PCDHA12: variants seen among roughly 807,000 people sequenced by gnomAD.
PCDHA12 encodes the protein protocadherin alpha-12.
PCDHA12 carries 44 observed loss-of-function variants against 60.0 expected under a neutral mutation model. That is an observed-to-expected ratio of 0.73 (90% CI 0.58 to 0.94). The LOEUF (loss-of-function observed/expected upper bound fraction) is 0.94, where lower values mean the gene tolerates loss of function less well. PCDHA12 is among the 40% of genes least tolerant of loss of function. PCDHA12 has a pLI of 0.00. For missense variants in PCDHA12, 1,276 were observed against 1,239.7 expected, an observed-to-expected ratio of 1.03 and a Z score of -0.44; for synonymous variants, 569 against 553.0, an observed-to-expected ratio of 1.03 and a Z score of -0.40.
chr5:140,967,324 G>A, intron 1 of PCDHA12: 4 of 1,609,186 alleles, frequency 2.5e-6, no homozygotes, highest in Non-Finnish European at 3.4e-6. Context: ...AGACCTACGA[G>A]CTCAGCCCCA....
chr5:140,958,015 C>A (rs573406509), intron 1 of PCDHA12, among the ~76,000 whole-genome samples: 1 of 151,796 alleles, frequency 6.6e-6, no homozygotes, highest in Non-Finnish European at 1.5e-5. Context: ...TTCTATCAGC[C>A]AAGTATACTA....
intron 1 of PCDHA12, chr5:140,968,908 A>G: frequency 6.2e-7 from 1 of 1,614,182 alleles, no homozygotes; most frequent in Non-Finnish European, 8.5e-7. Context: ...CATTAAGCAC[A>G]GTGTCTTTTA....
chr5:140,985,532 G>A (rs1358120172), intron 3 of PCDHA12, among the ~76,000 whole-genome samples: 2 of 152,190 alleles, frequency 1.3e-5, no homozygotes, highest in African/African-American at 4.8e-5. Context: ...AAAGCTTCAC[G>A]GTGAAGATGC....
chr5:140,888,941 TAA>T (rs1361014830), intron 1 of PCDHA12, among the ~76,000 whole-genome samples: 2 of 152,086 alleles, frequency 1.3e-5, no homozygotes, highest in Non-Finnish European at 1.5e-5. Flanking sequence ...GAGGGAGGTA[TAA>T]ATTTTTTCTT....
At chr5:140,967,884 C>T (rs2096194386) in intron 1 of PCDHA12, 2 of 1,614,050 alleles carry the variant, frequency 1.2e-6, no homozygotes, top group African/African-American at 1.3e-5. Context: ...CTGTATAGCC[C>T]AGTGCCTGAG....
At chr5:140,947,234 AAAAAT>A (rs1164220377) in intron 1 of PCDHA12, among the ~76,000 whole-genome samples, 3 of 151,602 alleles carry the variant, frequency 2.0e-5, no homozygotes, top group Non-Finnish European at 3.0e-5. Flanking sequence ...GACAGGAAAA[AAAAAT>A]AAGATAATCC....
intron 1 of PCDHA12, among the ~76,000 whole-genome samples, chr5:140,937,108 G>A (rs1014984809): frequency 7.3e-5 from 11 of 151,276 alleles, no homozygotes; most frequent in Non-Finnish European, 1.5e-4. Context: ...CGCAGTCTCG[G>A]CTCACTGCAA....
At chr5:140,979,179 G>T in intron 2 of PCDHA12, 172 bp downstream of exon 2, 1 of 936,772 alleles carries the variant, frequency 1.1e-6, no homozygotes, top group Middle Eastern at 5.5e-4. Flanking sequence ...ATCGCAAATG[G>T]TCAGTGCCAG....
intron 1 of PCDHA12, among the ~76,000 whole-genome samples, chr5:140,956,602 G>T (rs541025327): frequency 2.6e-5 from 4 of 152,212 alleles, no homozygotes. Flanking sequence ...GATATCAGCT[G>T]GAAGTTTTCC....
intron 1 of PCDHA12, among the ~76,000 whole-genome samples, chr5:140,974,181 A>G (rs1361812242): frequency 3.9e-5 from 6 of 152,226 alleles, no homozygotes; most frequent in Non-Finnish European, 8.8e-5. Context: ...TAACTTGACA[A>G]ATGCAAAGGA....
chr5:140,943,729 A>G (rs1215938127), intron 1 of PCDHA12, among the ~76,000 whole-genome samples: 1 of 152,374 alleles, frequency 6.6e-6, no homozygotes, highest in South Asian at 2.1e-4. Context: ...TGAGAGAATG[A>G]AAGTCCACAG....
At chr5:140,969,294 T>C in intron 1 of PCDHA12, 2 of 1,614,212 alleles carry the variant, frequency 1.2e-6, no homozygotes, top group Non-Finnish European at 1.7e-6. Context: ...GCTGGGAACC[T>C]GATTATTCTC....
chr5:140,890,726 T>C (rs2062772984), intron 1 of PCDHA12, among the ~76,000 whole-genome samples: 1 of 152,214 alleles, frequency 6.6e-6, no homozygotes. Context: ...TTTAATCCCT[T>C]TTGACTTATA....
intron 1 of PCDHA12, chr5:140,927,266 C>T (rs1554204259): frequency 6.2e-7 from 1 of 1,614,146 alleles, no homozygotes. Flanking sequence ...CCTCTCTTTC[C>T]TGCCGGCGAC....
At chr5:140,927,764 G>T (rs2084612834) in intron 1 of PCDHA12, 1 of 1,614,092 alleles carries the variant, frequency 6.2e-7, no homozygotes. Flanking sequence ...CCTAAAAGTG[G>T]GGAGGTGCAA....
intron 1 of PCDHA12, among the ~76,000 whole-genome samples, chr5:140,903,156 T>G (rs1287323901): frequency 6.6e-6 from 1 of 152,232 alleles, no homozygotes; most frequent in Non-Finnish European, 1.5e-5. Flanking sequence ...CCATAGTGGT[T>G]GTGCTGGTTT....
chr5:141,004,528 C>T (rs2098169666), intron 3 of PCDHA12, among the ~76,000 whole-genome samples: 1 of 152,230 alleles, frequency 6.6e-6, no homozygotes, highest in Non-Finnish European at 1.5e-5. Flanking sequence ...CCAATACACA[C>T]AGCCATTAAT....
At chr5:140,935,894 CTT>C (rs55841305) in intron 1 of PCDHA12, among the ~76,000 whole-genome samples, 8 of 136,706 alleles carry the variant, frequency 5.9e-5, no homozygotes, top group Non-Finnish European at 3.1e-5. Context: ...TCAATATTAT[CTT>C]TTTTTTTTTT....
intron 3 of PCDHA12, among the ~76,000 whole-genome samples, chr5:141,000,226 G>A (rs2097897321): frequency 6.6e-6 from 1 of 151,546 alleles, no homozygotes; most frequent in Non-Finnish European, 1.5e-5. Context: ...TGCCTGTGTG[G>A]AGCTGAATGT....
Sources: gnomAD v4.1 joint callset for allele counts (sites outside exome capture counted in the v4.1 genomes callset) on GRCh38, gnomAD v4.1.1 for gene constraint, MANE v1.5 for transcripts, NCBI Gene and HGNC (gene_info 2026-07-23, HGNC 2026-07-21) for gene names.